Variants in ZFAT observed in about 807,000 individuals in gnomAD.
ZFAT encodes the protein zinc finger protein ZFAT.
ZFAT carries 64 observed loss-of-function variants against 117.7 expected under a neutral mutation model. That is an observed-to-expected ratio of 0.54 (90% confidence interval 0.44 to 0.67). ZFAT has a LOEUF of 0.67. ZFAT is among the 30% of genes least tolerant of loss of function. The pLI, the probability that ZFAT is intolerant of heterozygous loss-of-function variation, is 0.00. For missense variants in ZFAT, 1,433 were observed against 1,584.5 expected (o/e 0.90, Z 1.62); for synonymous variants, 679 against 615.0 (o/e 1.10, Z -1.54).
At chr8:134,683,780 CAG>C (rs923719751) in intron 1 of ZFAT, among the ~76,000 whole-genome samples, 6 of 152,004 alleles carry the variant, frequency 3.9e-5, no homozygotes, top group African/African-American at 1.5e-4. Flanking sequence ...GGTCTGGAGA[CAG>C]GGGGTGGGGC....
chr8:134,727,377 G>A, the ZFAT span, among the ~76,000 whole-genome samples: 2 of 152,112 alleles, frequency 1.3e-5, no homozygotes, highest in Admixed American at 6.5e-5. Flanking sequence ...GGAGAAGAAC[G>A]GCTGTGGGGC....
the ZFAT span, chr8:134,798,222 CA>C: frequency 6.6e-6 from 1 of 151,838 alleles, no homozygotes; most frequent in East Asian, 1.9e-4. Flanking sequence ...TATAAGATAC[CA>C]AATCTTCAAA....
At chr8:134,572,312 T>A (rs1824973994) in intron 10 of ZFAT, among the ~76,000 whole-genome samples, 1 of 152,334 alleles carries the variant, frequency 6.6e-6, no homozygotes, top group East Asian at 1.9e-4. Flanking sequence ...TAGGAAGCAG[T>A]TGGATTTTTA....
At chr8:134,620,401 G>T (rs1829032415) in intron 3 of ZFAT, among the ~76,000 whole-genome samples, 1 of 152,208 alleles carries the variant, frequency 6.6e-6, no homozygotes, top group African/African-American at 2.4e-5. Flanking sequence ...ACAGTCAACT[G>T]CACAGTTGGC....
the ZFAT span, among the ~76,000 whole-genome samples, chr8:134,824,614 T>C: frequency 6.6e-6 from 1 of 152,338 alleles, no homozygotes; most frequent in Non-Finnish European, 1.5e-5. Context: ...ACAAATATGT[T>C]CTACTTACTT....
At chr8:134,556,035 G>A in intron 11 of ZFAT, among the ~76,000 whole-genome samples, 1 of 61,286 alleles carries the variant, frequency 1.6e-5, no homozygotes, top group Non-Finnish European at 3.2e-5. Context: ...AGGGAGAGAA[G>A]GAAGGAAGGA....
intron 5 of ZFAT, among the ~76,000 whole-genome samples, chr8:134,603,315 A>G (rs772803573): frequency 6.6e-6 from 1 of 152,174 alleles, no homozygotes; most frequent in Non-Finnish European, 1.5e-5. Context: ...AAGAGAAGGA[A>G]GAAGGAAGAG....
chr8:134,690,788 G>A (rs1391378941), intron 1 of ZFAT, among the ~76,000 whole-genome samples: 2 of 152,072 alleles, frequency 1.3e-5, no homozygotes, highest in African/African-American at 4.8e-5. Flanking sequence ...CAAATATCTG[G>A]GCTGTTCAGT....
intron 1 of ZFAT, among the ~76,000 whole-genome samples, chr8:134,695,143 CT>C (rs1833762813): frequency 6.6e-6 from 1 of 152,190 alleles, no homozygotes; most frequent in African/African-American, 2.4e-5. Context: ...ATGGCCCAGG[CT>C]GCAGTGGAGG....
At chr8:134,710,194 G>A (rs899678409) in intron 1 of ZFAT, among the ~76,000 whole-genome samples, 1 of 152,154 alleles carries the variant, frequency 6.6e-6, no homozygotes. Context: ...GGCACCAATC[G>A]AAAAGATATT....
chr8:134,822,907 A>G, the ZFAT span, among the ~76,000 whole-genome samples: 1 of 152,168 alleles, frequency 6.6e-6, no homozygotes, highest in South Asian at 2.1e-4. Flanking sequence ...TGGAATATAA[A>G]TTCAGATTTT....
rs1428184101 is a variant in ZFAT, at chr8:134,512,620, C to T, written c.3235-19G>A. Reference sequence around the variant, plus strand: ...TTGCTGTCTAAATAAAAACATAGTACCTAAGTCATCTCCTAAAAGATTGAC... The same window carrying T: ...TTGCTGTCTAAATAAAAACATAGTATCTAAGTCATCTCCTAAAAGATTGAC... On this transcript the variant is annotated intron_variant, in intron 13 of 15. Coordinates refer to ENST00000377838, the MANE Select transcript of ZFAT (RefSeq NM_020863.4). 5 of 1,607,430 alleles carry T rather than the reference C, an allele frequency of 3.1e-6. No homozygotes were observed. The highest frequency in any genetic ancestry group is 2.2e-5 in the East Asian group (1 of 44,774).
chr8:134,505,876 C>G (rs538922413), intron 15 of ZFAT, among the ~76,000 whole-genome samples: 169 of 152,264 alleles, frequency 1.1e-3, no homozygotes, highest in African/African-American at 3.9e-3. Flanking sequence ...TAATTTGTGG[C>G]AGTGGCAATA....
chr8:134,653,151 T>TG (rs1028647381), intron 2 of ZFAT, among the ~76,000 whole-genome samples: 1 of 138,762 alleles, frequency 7.2e-6, no homozygotes, highest in Admixed American at 7.3e-5. Flanking sequence ...GGGTTTTTGG[T>TG]GGGGTTTTTT....
chr8:134,657,608 C>T lies in ZFAT; in HGVS notation c.149G>A (p.Arg50Lys), dbSNP rs1260900876. ...VNVDEIIIPLRPLSTPEPPNS... is the reference protein window; with the variant it reads ...VNVDEIIIPLKPLSTPEPPNS... ...GGGGGGTTCAGGTGTACTCAGAGGC[C>T]TAAGGGGAATAATAATCTCATCAAC... is the stretch of plus-strand genomic sequence containing the variant. Residue 50 changes from arginine (R) to lysine (K), a missense_variant, in exon 2 of 16, where the codon AGG (arginine) becomes AAG (lysine). Coordinates refer to ENST00000377838, the MANE Select transcript of ZFAT (RefSeq NM_020863.4). 5 of 1,613,860 alleles carry T rather than the reference C, an allele frequency of 3.1e-6. No individual in the cohort carries two copies. Among genetic ancestry groups the T allele is most frequent in the African/African-American group, 1.3e-5 (1 of 74,836 alleles).
At chr8:134,813,801 TACACACACACAC>T in the ZFAT span, among the ~76,000 whole-genome samples, 1,188 of 147,136 alleles carry the variant, frequency 8.1e-3, 13 homozygotes, top group African/African-American at 0.027. Context: ...TTTGATTTTA[TACACACACACAC>T]ACACACACAC....
At chr8:134,528,450 G>T (rs754152154) in intron 12 of ZFAT, among the ~76,000 whole-genome samples, 3 of 152,058 alleles carry the variant, frequency 2.0e-5, no homozygotes, top group Non-Finnish European at 4.4e-5. Flanking sequence ...ATCACCTGTG[G>T]GTTACCTCAC....
At chr8:134,586,457 T>C (rs1563634998) in intron 9 of ZFAT, among the ~76,000 whole-genome samples, 1 of 152,242 alleles carries the variant, frequency 6.6e-6, no homozygotes, top group African/African-American at 2.4e-5. Flanking sequence ...TTGTCCATCA[T>C]ACATGGTGAG....
At position 134,600,655 on chromosome 8, in the gene ZFAT, C is replaced by T; in HGVS notation, c.2256G>A (p.Trp752Ter). 1 of 1,575,118 alleles carries T rather than the reference C, an allele frequency of 6.3e-7. No individual in the cohort carries two copies. Among genetic ancestry groups the T allele is most frequent in the Non-Finnish European group, 8.6e-7 (1 of 1,159,146 alleles). Residue 752 changes from tryptophan (W) to a stop codon, truncating the protein, a stop_gained, in exon 7 of 16, where the codon TGG (tryptophan) becomes TGA (stop). Transcript: ENST00000377838. LOFTEE classifies it high-confidence loss of function. The part of the protein sequence containing the change: ...LECEYCGKLF[W>*]YQVHFDMHVR... ...CATGCATATCAAAATGCACTTGGTACCAAAAAAGTTTGCCTAAAAAAATAT... is the reference window on the plus strand; with the variant it reads ...CATGCATATCAAAATGCACTTGGTATCAAAAAAGTTTGCCTAAAAAAATAT...
Sources: gnomAD v4.1 joint callset for allele counts (sites outside exome capture counted in the v4.1 genomes callset) on GRCh38, gnomAD v4.1.1 for gene constraint, MANE v1.5 for transcripts, NCBI Gene and HGNC (gene_info 2026-07-23, HGNC 2026-07-21) for gene names.